MTMR8: variants seen among roughly 807,000 people sequenced by gnomAD.
MTMR8 encodes the protein phosphatidylinositol-3,5-bisphosphate 3-phosphatase MTMR8.
A neutral mutation model predicts 39.3 loss-of-function variants in MTMR8; 65 were observed. The observed-to-expected ratio is 1.65, with a 90% CI of 1.35 to 2.03. The LOEUF (loss-of-function observed/expected upper bound fraction) is 2.03. Among genes scored for constraint, MTMR8 ranks in the 30% most tolerant of loss-of-function variants. MTMR8 has a pLI of 0.00. For synonymous variants in MTMR8, 245 were observed against 185.2 expected (o/e 1.32, Z -2.62); for missense variants, 777 against 538.9 (o/e 1.44, Z -4.37).
chrX:64,345,689 T>C (rs894497317), intron 6 of MTMR8, among the ~76,000 whole-genome samples: 11 of 112,089 alleles, frequency 9.8e-5, no homozygotes, highest in African/African-American at 3.6e-4. Context: ...CAAGGTTCAA[T>C]GCAGCCTTGA....
chrX:64,326,983 C>A (rs1440035298), intron 12 of MTMR8, among the ~76,000 whole-genome samples: 1 of 110,677 alleles, frequency 9.0e-6, no homozygotes, highest in Non-Finnish European at 1.9e-5. Context: ...TGCCCATATG[C>A]AGAAGAATGG....
Position 64,272,258 on chromosome X carries a change from A to T in MTMR8, c.1482-1185T>A, listed in dbSNP as rs147612505. 9.1e-3 allele frequency among the ~76,000 whole-genome samples: 1,022 copies of T among 112,033 alleles called. 9 individuals are homozygous for T. The highest frequency in any genetic ancestry group is 0.032 in the African/African-American group (976 of 30,817). On this transcript the variant is annotated intron_variant, in intron 12 of 13. Coordinates refer to ENST00000374852, the MANE Select transcript of MTMR8 (RefSeq NM_017677.4). Reference sequence around the variant, plus strand: ...ATGAATTACCCGACATAGAATTAGAAATATCCATCATGGAAAATCTCAAGC... The same window carrying T: ...ATGAATTACCCGACATAGAATTAGATATATCCATCATGGAAAATCTCAAGC...
intron 1 of MTMR8, among the ~76,000 whole-genome samples, chrX:64,374,613 AAG>A (rs1924215398): frequency 8.9e-6 from 1 of 111,903 alleles, no homozygotes; most frequent in Non-Finnish European, 1.9e-5. Flanking sequence ...AAAGTAGTTA[AAG>A]AGAAGTGAAA....
chrX:64,325,378 T>C (rs915119710), intron 12 of MTMR8, among the ~76,000 whole-genome samples: 3 of 111,346 alleles, frequency 2.7e-5, no homozygotes, highest in Admixed American at 9.5e-5. Context: ...TGAACACAAA[T>C]GCAAAAATCA....
intron 12 of MTMR8, among the ~76,000 whole-genome samples, chrX:64,302,416 G>A (rs1414116722): frequency 2.7e-5 from 3 of 112,318 alleles, no homozygotes; most frequent in Non-Finnish European, 5.6e-5. Context: ...GCCTCGCCCT[G>A]CTTCGGCTCG....
chrX:64,387,261 C>A (rs753704367), intron 1 of MTMR8, among the ~76,000 whole-genome samples: 14 of 110,605 alleles, frequency 1.3e-4, no homozygotes, highest in Non-Finnish European at 2.1e-4. Flanking sequence ...CCTGACTGTC[C>A]CAGAGATCCT....
At chrX:64,288,754 A>T (rs1348760325) in intron 12 of MTMR8, among the ~76,000 whole-genome samples, 1 of 110,900 alleles carries the variant, frequency 9.0e-6, no homozygotes, top group Non-Finnish European at 1.9e-5. Flanking sequence ...CATTCTCAGC[A>T]AACTATCGCA....
intron 12 of MTMR8, among the ~76,000 whole-genome samples, chrX:64,300,132 C>G (rs1250414505): frequency 3.8e-5 from 4 of 104,556 alleles, no homozygotes; most frequent in Non-Finnish European, 5.9e-5. Context: ...TCCTGGGTAT[C>G]CTTGTGGACT....
At chrX:64,271,473 A>T (rs1380858005) in intron 12 of MTMR8, among the ~76,000 whole-genome samples, 1 of 112,239 alleles carries the variant, frequency 8.9e-6, no homozygotes, top group Admixed American at 9.4e-5. Flanking sequence ...ACAAGGATCA[A>T]TTCCCTTTAT....
chrX:64,331,373 G>C (rs1922934139), intron 11 of MTMR8, 184 bp downstream of exon 11: 1 of 441,875 alleles, frequency 2.3e-6, no homozygotes, highest in Non-Finnish European at 4.0e-6. Flanking sequence ...TTACAGATGA[G>C]ATATCTTAGG....
chrX:64,278,090 G>A (rs1284668879), intron 12 of MTMR8, among the ~76,000 whole-genome samples: 1 of 108,630 alleles, frequency 9.2e-6, no homozygotes, highest in East Asian at 3.0e-4. Context: ...GGTCATTTAT[G>A]TTCTTCTCTA....
intron 1 of MTMR8, among the ~76,000 whole-genome samples, chrX:64,392,481 T>G (rs949837452): frequency 9.0e-6 from 1 of 111,090 alleles, no homozygotes; most frequent in African/African-American, 3.3e-5. Context: ...AACAAAAGAG[T>G]AAAATGAATG....
At chrX:64,308,582 TCCTA>T (rs1200080758) in intron 12 of MTMR8, among the ~76,000 whole-genome samples, 2 of 111,240 alleles carry the variant, frequency 1.8e-5, no homozygotes, top group Non-Finnish European at 3.8e-5. Context: ...TGACAATATT[TCCTA>T]ATTTTTTATT....
chrX:64,290,653 C>G lies in MTMR8; in HGVS notation c.1482-19580G>C, dbSNP rs150038022. Among the ~76,000 whole-genome samples the G allele has an allele frequency of 5.3e-3, 584 of 111,184 alleles. 1 individual carries two copies. Among genetic ancestry groups the G allele is most frequent in the Non-Finnish European group, 8.2e-3 (436 of 53,028 alleles). ...CGGAGTGTGGACTCTGTCCTTAGCC[C>G]TTCATAACCATTAATCTGTTCTCTA... On this transcript the variant is annotated intron_variant, in intron 12 of 13. Coordinates refer to ENST00000374852, the MANE Select transcript of MTMR8 (RefSeq NM_017677.4).
At chrX:64,320,434 T>C (rs1006513815) in intron 12 of MTMR8, among the ~76,000 whole-genome samples, 1 of 110,701 alleles carries the variant, frequency 9.0e-6, no homozygotes, top group Non-Finnish European at 1.9e-5. Flanking sequence ...CAGAAAACTA[T>C]GGTTATATAT....
chrX:64,312,769 G>T (rs2147211592), intron 12 of MTMR8, among the ~76,000 whole-genome samples: 1 of 112,342 alleles, frequency 8.9e-6, no homozygotes, highest in East Asian at 2.8e-4. Flanking sequence ...ATGGGCTGCA[G>T]AATGGATATT....
chrX:64,319,604 T>C (rs1021812913), intron 12 of MTMR8, among the ~76,000 whole-genome samples: 1 of 112,014 alleles, frequency 8.9e-6, no homozygotes, highest in Non-Finnish European at 1.9e-5. Context: ...AGGGATCCAG[T>C]TTCAGCTTTC....
chrX:64,319,511 T>G (rs1414341732), intron 12 of MTMR8, among the ~76,000 whole-genome samples: 2 of 112,163 alleles, frequency 1.8e-5, no homozygotes, highest in African/African-American at 6.5e-5. Context: ...TGCCTAGGTT[T>G]TCTTCTAGGG....
At chrX:64,322,046 TTG>T (rs1245738513) in intron 12 of MTMR8, among the ~76,000 whole-genome samples, 1 of 110,569 alleles carries the variant, frequency 9.0e-6, no homozygotes, top group Non-Finnish European at 1.9e-5. Context: ...GTTAGTATTT[TTG>T]TTTTTTTTTT....
Sources: gnomAD v4.1 joint callset for allele counts (sites outside exome capture counted in the v4.1 genomes callset) on GRCh38, gnomAD v4.1.1 for gene constraint, MANE v1.5 for transcripts, NCBI Gene and HGNC (gene_info 2026-07-23, HGNC 2026-07-21) for gene names.